The following SHPRH variants were observed in gnomAD, a reference collection of about 807,000 sequenced individuals.
SHPRH encodes the protein E3 ubiquitin-protein ligase SHPRH.
Under a neutral mutation model 202.5 loss-of-function variants are expected in SHPRH, and 106 were observed. The observed-to-expected ratio is 0.52, with a 90% CI of 0.45 to 0.62. SHPRH has a LOEUF of 0.62. Among genes scored for constraint, SHPRH ranks in the 20% least tolerant of loss-of-function variants. SHPRH has a pLI of 0.00. For missense variants in SHPRH, 1,710 were observed against 2,020.0 expected (o/e 0.85, Z 2.94); for synonymous variants, 729 against 686.0 (o/e 1.06, Z -0.98).
intron 14 of SHPRH, 68 bp downstream of exon 14, chr6:145,932,989 T>A: frequency 6.5e-7 from 1 of 1,530,696 alleles, no homozygotes; most frequent in Non-Finnish European, 8.8e-7. Flanking sequence ...TCAAAATCTA[T>A]TTTTTCTATA....
rs1780965991 is a variant in SHPRH at position 145,885,933 on chromosome 6, C to T, written c.*758G>A. On this transcript the variant is annotated 3_prime_UTR_variant, in exon 30 of 30. Transcript: ENST00000275233. ...AATATTTACAGATACATCAATCTTA[C>T]AACATATAAAAACTTTAACAATAAG... 1.3e-5 allele frequency: 2 copies of T among 151,176 alleles called. No homozygotes were observed. The highest frequency in any genetic ancestry group is 1.3e-4 in the Admixed American group (2 of 15,170). 9.4% of individuals were successfully genotyped at this position (151,176 alleles called of 1,614,324 possible). A position where few individuals can be genotyped will look rare whatever the true frequency, so the allele number is the denominator to read the frequency against.
Position 145,940,909 on chromosome 6 carries a change from G to T in SHPRH, c.2491-108C>A. 3 of 1,004,810 alleles carry T rather than the reference G, an allele frequency of 3.0e-6. No individual in the cohort carries two copies. In the South Asian group the frequency reaches 4.1e-5, roughly 14 times the overall value. The allele number at this position is 1,004,810 out of a possible 1,614,324, so 62.2% of individuals were successfully genotyped here. A position where few individuals can be genotyped will look rare whatever the true frequency, so the allele number is the denominator to read the frequency against. ...CAGCCCATTAAAAGCTACACTTCTGGTGAGATGTACCTACTTTTATTTAAC... is the reference window on the plus strand; with the variant it reads ...CAGCCCATTAAAAGCTACACTTCTGTTGAGATGTACCTACTTTTATTTAAC... On this transcript the variant is annotated intron_variant, in intron 10 of 29. Transcript: ENST00000275233.
Position 145,910,554 on chromosome 6 carries a change from C to G in SHPRH, c.4409G>C (p.Arg1470Thr). The change falls in exon 25 of 30, where the codon AGA becomes ACA. Residue 1470 changes from arginine to threonine, a missense_variant. Arg to Thr is a moderately conservative substitution (Grantham distance 71). Around this residue, in one of 8 missense-constraint regions of SHPRH, gnomAD observed 306 missense variants for 479.5 expected, o/e 0.64. Transcript: ENST00000275233. ...GCAGATTGCACACTTAATGGAGCTT[C>G]TGTGAGATCCCACGCTGTATTGTTC... The part of the protein sequence containing the change: ...IIEQYSVGSH[R>T]SSIKCAICRQ... 6.2e-7 allele frequency: 1 copy of G among 1,613,100 alleles called. No homozygotes were observed. Among genetic ancestry groups the G allele is most frequent in the Non-Finnish European group, 8.5e-7 (1 of 1,179,608 alleles).
chr6:145,933,114 C>G lies in SHPRH; in HGVS notation c.3055G>C (p.Ala1019Pro). The G allele has an allele frequency of 6.2e-7, 1 of 1,613,910 alleles. No homozygotes were observed. The highest frequency in any genetic ancestry group is 8.5e-7 in the Non-Finnish European group (1 of 1,179,902). Residue 1019 changes from alanine to proline, a missense_variant, in exon 14 of 30, where the codon GCA (alanine) becomes CCA (proline). Physicochemically the swap from Ala to Pro is conservative, Grantham distance 27 (BLOSUM62 -1). Coordinates refer to ENST00000275233, the MANE Select transcript of SHPRH (RefSeq NM_001042683.3). ...AGAGCACAAACTAGCTGTCGATGTG[C>G]TTCTTCACATTCAGTTCCACATTTC... ...QKKCGTECEE[A>P]HRQLVCALNG...
At position 145,893,232 on chromosome 6, in the gene SHPRH, G is replaced by A. The variant is rs1781721118; in HGVS notation, c.4857C>T (p.His1619=). The change falls in exon 28 of 30, where the codon CAC becomes CAT. Residue 1619 remains histidine, a synonymous_variant. Transcript: ENST00000275233. ...GTCCTTACTTTGTCTGTCCAATTCG[G>A]TGCACCCTCCCTATGGCCTGAAGCT... The part of the protein sequence containing the change: ...AHELQAIGRV[H]RIGQTKPTIV... 2 of 1,555,680 alleles carry A rather than the reference G, an allele frequency of 1.3e-6. No homozygotes were observed. The highest frequency in any genetic ancestry group is 1.2e-5 in the South Asian group (1 of 81,940).
intron 13 of SHPRH, 143 bp downstream of exon 13, chr6:145,934,764 T>G: frequency 6.9e-5 from 49 of 705,042 alleles, no homozygotes; most frequent in Non-Finnish European, 9.6e-5. Flanking sequence ...CCGTTGCAAA[T>G]GAGCTTCCAT....
chr6:145,885,103 GT>G lies in SHPRH; in HGVS notation c.*1587del, dbSNP rs1261852634. The G allele has an allele frequency of 2.0e-5, 3 of 152,098 alleles. No individual in the cohort carries two copies. The highest frequency in any genetic ancestry group is 4.4e-5 in the Non-Finnish European group (3 of 68,004). The allele number at this position is 152,098 out of a possible 1,614,324, so 9.4% of individuals were successfully genotyped here. A position where few individuals can be genotyped will look rare whatever the true frequency, so the allele number is the denominator to read the frequency against. On this transcript the variant is annotated 3_prime_UTR_variant, in exon 30 of 30. Coordinates refer to ENST00000275233, the MANE Select transcript of SHPRH (RefSeq NM_001042683.3). Reference sequence around the variant, plus strand: ...GGAGTCAGGGGACCTGGGCTCCACTGTTTACTTGCTACATGTCCTAAGAAAG... The same window carrying G: ...GGAGTCAGGGGACCTGGGCTCCACTGTTACTTGCTACATGTCCTAAGAAAG...
At chr6:145,860,905 A>T (rs147249474), downstream of SHPRH, among the ~76,000 whole-genome samples, 393 of 152,246 alleles carry the variant, frequency 2.6e-3, 5 homozygotes, top group African/African-American at 8.8e-3. Context: ...GGAAAAGATA[A>T]TCTATTCAGT....
chr6:145,871,839 A>G (rs764352189), intron 2 of SHPRH, among the ~76,000 whole-genome samples: 2 of 152,212 alleles, frequency 1.3e-5, no homozygotes, highest in Non-Finnish European at 2.9e-5. Flanking sequence ...GTACTGGTAC[A>G]AAAACAGAGA....
chr6:145,953,755 T>C (rs1788214720), intron 2 of SHPRH, among the ~76,000 whole-genome samples: 2 of 152,110 alleles, frequency 1.3e-5, no homozygotes, highest in Non-Finnish European at 2.9e-5. Flanking sequence ...CACAATTCTA[T>C]GCTGTAAGAA....
chr6:145,947,761 C>T (rs1192618134), intron 5 of SHPRH, 118 bp from the exon 6 acceptor site: 1 of 1,283,274 alleles, frequency 7.8e-7, no homozygotes, highest in Non-Finnish European at 1.1e-6. Context: ...TTTATTGAAA[C>T]TATATTTTAG....
chr6:145,934,020 C>A (rs1200170421), intron 13 of SHPRH, among the ~76,000 whole-genome samples: 1 of 151,994 alleles, frequency 6.6e-6, no homozygotes, highest in Non-Finnish European at 1.5e-5. Flanking sequence ...TTAAAAAAAA[C>A]CTCAACAATA....
rs755407456 is a variant in SHPRH at position 145,955,050 on chromosome 6, A to G, written c.273T>C (p.Ile91=). The change falls in exon 2 of 30, where the codon ATT becomes ATC. Residue 91 remains isoleucine (I), a synonymous_variant. Transcript: ENST00000275233. The stretch of plus-strand genomic sequence containing the variant: ...TTAACTTTACAGACAAAGGGGAAAA[A>G]ATACCAACAGTCTCTTCTTTTTCAA... ...KPIEKEETVG[I]FSPLSVKLNI... The G allele has an allele frequency of 3.8e-5, 62 of 1,613,150 alleles. No individual in the cohort carries two copies. The highest frequency in any genetic ancestry group is 4.7e-5 in the Non-Finnish European group (55 of 1,179,944).
intron 25 of SHPRH, among the ~76,000 whole-genome samples, chr6:145,900,477 ATGGCGGTTACCAGAGGCTGGAGTTTG>A (rs984625196): frequency 1.3e-5 from 2 of 152,088 alleles, no homozygotes; most frequent in Non-Finnish European, 2.9e-5. Context: ...AGAGAGCAGA[ATGGCGGTTACCAGAGGCTGGAGTTTG>A]TGGGGGAAGG....
Position 145,947,625 on chromosome 6 carries a change from T to C in SHPRH, c.1080A>G (p.Pro360=), listed in dbSNP as rs1049589050. 2 of 1,612,616 alleles carry C rather than the reference T, an allele frequency of 1.2e-6. No individual in the cohort carries two copies. The highest frequency in any genetic ancestry group is 2.2e-5 in the East Asian group (1 of 44,854). ...PYTGCIIREY[P]NSGPQLLGGI... ...CACCAAGCAACTGCGGCCCAGAATT[T>C]GGGTACTCACGAATGATGCTGAGGA... The change falls in exon 6 of 30, where the codon CCA becomes CCG. Residue 360 remains proline, a synonymous_variant. Coordinates refer to ENST00000275233, the MANE Select transcript of SHPRH (RefSeq NM_001042683.3).
chr6:145,952,504 G>A, intron 2 of SHPRH, 26 bp from the exon 3 acceptor site: 1 of 1,585,754 alleles, frequency 6.3e-7, no homozygotes, highest in Non-Finnish European at 8.6e-7. Flanking sequence ...CAAAATAAAA[G>A]TAGTTTCATT....
chr6:145,924,137 A>C (rs1429795865), intron 17 of SHPRH, among the ~76,000 whole-genome samples: 1 of 151,988 alleles, frequency 6.6e-6, no homozygotes, highest in African/African-American at 2.4e-5. Context: ...CAGCATAAGA[A>C]AGAAAGCCTT....
At chr6:145,873,693 G>GAGGAAGGA (rs540366997) in intron 2 of SHPRH, among the ~76,000 whole-genome samples, 1 of 106,308 alleles carries the variant, frequency 9.4e-6, no homozygotes, top group Non-Finnish European at 1.9e-5. Flanking sequence ...ACAGTTGCTA[G>GAGGAAGGA]AGGAAGGAAG....
At chr6:145,940,323 C>G (rs534252699) in intron 11 of SHPRH, among the ~76,000 whole-genome samples, 56 of 152,120 alleles carry the variant, frequency 3.7e-4, no homozygotes, top group African/African-American at 1.3e-3. Context: ...TTCATAGACA[C>G]AGTTAATTGA....
Sources: allele counts gnomAD v4.1 joint callset (sites outside exome capture counted in the v4.1 genomes callset), GRCh38; gene constraint gnomAD v4.1.1; regional missense constraint gnomAD v4.1.1; transcripts MANE v1.5; gene names NCBI Gene and HGNC (gene_info 2026-07-23, HGNC 2026-07-21).